RBFOX1: variants seen among roughly 807,000 people sequenced by gnomAD.
RBFOX1 encodes RNA binding fox-1 homolog 1.
In RBFOX1, 8 loss-of-function variants were observed where a neutral mutation model predicts 57.7. The ratio of observed to expected loss-of-function variants is 0.14; its 90% CI spans 0.08 to 0.25. RBFOX1 has a LOEUF of 0.25. RBFOX1 is among the 10% of genes least tolerant of loss of function. The pLI is 1.00. For synonymous variants in RBFOX1, 326 were observed against 222.4 expected (o/e 1.47, Z -4.15); for missense variants, 611 against 548.5 (o/e 1.11, Z -1.14).
chr16:7,369,380 C>T (rs1481925719), intron 4 of RBFOX1, among the ~76,000 whole-genome samples: 2 of 152,070 alleles, frequency 1.3e-5, no homozygotes, highest in Admixed American at 6.5e-5. Context: ...CAGATGGTGT[C>T]CCGCAGACTC....
downstream of RBFOX1, among the ~76,000 whole-genome samples, chr16:5,605,010 C>T (rs1596412193): frequency 2.0e-5 from 3 of 152,328 alleles, no homozygotes; most frequent in Admixed American, 1.3e-4. Context: ...CTGTTCCCTT[C>T]TCTACAGCCC....
At chr16:5,675,498 A>G (rs1046996330) in intron 3 of RBFOX1, among the ~76,000 whole-genome samples, 2 of 152,292 alleles carry the variant, frequency 1.3e-5, no homozygotes, top group East Asian at 3.9e-4. Flanking sequence ...CTCCCCAAAC[A>G]CAGCTGCCTC....
At chr16:7,072,679 G>C (rs1383324730) in intron 4 of RBFOX1, among the ~76,000 whole-genome samples, 2 of 152,258 alleles carry the variant, frequency 1.3e-5, no homozygotes, top group East Asian at 3.9e-4. Context: ...TGCCATGTTA[G>C]AATAACTTGT....
chr16:7,179,909 ATT>A (rs113449495), intron 4 of RBFOX1, among the ~76,000 whole-genome samples: 4,352 of 142,144 alleles, frequency 0.031, 83 homozygotes, highest in South Asian at 0.046. Context: ...TAATTTTTGT[ATT>A]TTTTTTTTTT....
rs988374514 is a variant in RBFOX1, at chr16:7,033,743, C to G, written c.-15-18314C>G. 3.9e-5 allele frequency among the ~76,000 whole-genome samples: 6 copies of G among 152,232 alleles called. No homozygotes were observed. The South Asian group carries it at 8.3e-4, about 21-fold the overall frequency. On this transcript the variant is annotated intron_variant, in intron 3 of 15. Coordinates refer to ENST00000550418, the MANE Select transcript of RBFOX1 (RefSeq NM_018723.4). ...GCGTGGCGACTTATGCCTGTAATCC[C>G]AGCACTTTGGGAGCGTGAGCTGGGG...
intron 14 of RBFOX1, among the ~76,000 whole-genome samples, chr16:7,689,731 C>G (rs1231097422): frequency 2.0e-5 from 3 of 151,728 alleles, no homozygotes; most frequent in African/African-American, 4.8e-5. Flanking sequence ...ATGGAAAAAC[C>G]CAAGCAAGGA....
Position 5,527,367 on chromosome 16 carries a change from C to A in RBFOX1, c.258+60113C>A, listed in dbSNP as rs556496680. 7.9e-5 allele frequency among the ~76,000 whole-genome samples: 12 copies of A among 152,338 alleles called. No homozygotes were observed. The South Asian group carries it at 2.5e-3, about 32-fold the overall frequency. ...CGTAGACTCCTCCCCCATACAGCGTCCTCCATGCTGTTTCTCTTCCACCGG... is the reference window on the plus strand; with the variant it reads ...CGTAGACTCCTCCCCCATACAGCGTACTCCATGCTGTTTCTCTTCCACCGG... On this transcript the variant is annotated intron_variant, in intron 2 of 2. Transcript: ENST00000585867.
intron 3 of RBFOX1, among the ~76,000 whole-genome samples, chr16:5,631,498 A>G (rs1330300157): frequency 6.6e-6 from 1 of 151,940 alleles, no homozygotes; most frequent in Non-Finnish European, 1.5e-5. Context: ...CGGAGGTTGC[A>G]GTGAGCCGAG....
At chr16:6,574,424 A>ATTTTTTTTTTTT (rs34505014) in intron 2 of RBFOX1, among the ~76,000 whole-genome samples, 5 of 89,942 alleles carry the variant, frequency 5.6e-5, no homozygotes, top group Non-Finnish European at 1.0e-4. Flanking sequence ...CGTATCTTCT[A>ATTTTTTTTTTTT]TTTTTTTTTT....
At chr16:6,892,922 A>G (rs967686030) in intron 3 of RBFOX1, among the ~76,000 whole-genome samples, 4 of 151,320 alleles carry the variant, frequency 2.6e-5, no homozygotes, top group Non-Finnish European at 5.9e-5. Context: ...CTCCTCAGCT[A>G]TTCTTGCGTG....
Position 5,627,662 on chromosome 16 carries a change from T to C in RBFOX1, c.318+28701T>C, listed in dbSNP as rs139205201. ...GTAGAAGTACAGTTGCCCCTCTGTATCCACAGATTCAACCAACTGAAGGTT... is the reference window on the plus strand; with the variant it reads ...GTAGAAGTACAGTTGCCCCTCTGTACCCACAGATTCAACCAACTGAAGGTT... On this transcript the variant is annotated intron_variant, in intron 3 of 19. Transcript: ENST00000641259. 4.2e-3 allele frequency among the ~76,000 whole-genome samples: 639 copies of C among 152,192 alleles called. 7 individuals are homozygous for C. Among genetic ancestry groups the C allele is most frequent in the African/African-American group, 0.015 (609 of 41,508 alleles).
chr16:5,585,303 G>C (rs1161060415), intron 2 of RBFOX1, among the ~76,000 whole-genome samples: 1 of 152,066 alleles, frequency 6.6e-6, no homozygotes, highest in Non-Finnish European at 1.5e-5. Context: ...TTAGCATAAT[G>C]TTTTCAATGT....
intron 1 of RBFOX1, among the ~76,000 whole-genome samples, chr16:6,311,922 C>A (rs1435007187): frequency 6.6e-6 from 1 of 152,170 alleles, no homozygotes; most frequent in African/African-American, 2.4e-5. Flanking sequence ...CAACCCTGGG[C>A]AGCTTGCTGA....
chr16:7,668,975 C>T (rs1381203032), intron 13 of RBFOX1, among the ~76,000 whole-genome samples: 2 of 152,158 alleles, frequency 1.3e-5, no homozygotes, highest in African/African-American at 4.8e-5. Flanking sequence ...ACGATCTCAG[C>T]TCACTTGCAA....
intron 1 of RBFOX1, among the ~76,000 whole-genome samples, chr16:6,082,347 ATTTTTTTTT>A (rs71142677): frequency 3.7e-4 from 15 of 41,040 alleles, no homozygotes; most frequent in East Asian, 3.1e-3. Context: ...CACCTGGCTA[ATTTTTTTTT>A]TTTTTTTTTT....
At chr16:5,512,418 T>TTC (rs201793017) in intron 2 of RBFOX1, among the ~76,000 whole-genome samples, 4 of 129,586 alleles carry the variant, frequency 3.1e-5, no homozygotes, top group Non-Finnish European at 6.3e-5. Context: ...TCCTCTCTCT[T>TTC]TCTCTCTCTC....
chr16:6,650,818 C>A (rs1219709848), intron 2 of RBFOX1, among the ~76,000 whole-genome samples: 1 of 152,172 alleles, frequency 6.6e-6, no homozygotes, highest in African/African-American at 2.4e-5. Context: ...GCAGAGAAAA[C>A]CCCACTGCCT....
intron 3 of RBFOX1, among the ~76,000 whole-genome samples, chr16:5,683,307 C>T (rs1054634331): frequency 2.0e-5 from 3 of 152,150 alleles, no homozygotes; most frequent in Non-Finnish European, 4.4e-5. Flanking sequence ...AACCCCAGAG[C>T]ATTTGTAACC....
chr16:5,277,486 C>G (rs1596370958), intron 1 of RBFOX1, among the ~76,000 whole-genome samples: 1 of 151,998 alleles, frequency 6.6e-6, no homozygotes, highest in South Asian at 2.1e-4. Context: ...TTAATAGTCA[C>G]TTTCTATGAT....
Sources: gnomAD v4.1 joint callset for allele counts (sites outside exome capture counted in the v4.1 genomes callset) on GRCh38, gnomAD v4.1.1 for gene constraint, MANE v1.5 for transcripts, NCBI Gene and HGNC (gene_info 2026-07-23, HGNC 2026-07-21) for gene names.